COPS5: variants seen among roughly 807,000 people sequenced by gnomAD.
COPS5 encodes the protein COP9 signalosome complex subunit 5.
A neutral mutation model predicts 44.4 loss-of-function variants in COPS5; 8 were observed. The ratio of observed to expected loss-of-function variants is 0.18; its 90% confidence interval spans 0.11 to 0.32. The LOEUF is 0.32. COPS5 is among the 10% of genes least tolerant of loss of function. COPS5 has a pLI of 1.00. For synonymous variants in COPS5, 122 were observed against 142.8 expected, an observed-to-expected ratio of 0.85 and a Z score of 1.04; for missense variants, 159 against 406.4, an observed-to-expected ratio of 0.39 and a Z score of 5.23.
Position 67,043,199 on chromosome 8 carries a change from C to T in COPS5, c.*34G>A, listed in dbSNP as rs772426976. On this transcript the variant is annotated 3_prime_UTR_variant, in exon 8 of 8. Transcript: ENST00000357849. ...GTGTTACTTGAATATTTTTCTCATA[C>T]TGTCTTTCAGGTAAAGTACTTCTCA... 1 of 1,244,654 alleles carries T rather than the reference C, an allele frequency of 8.0e-7. No individual in the cohort carries two copies. Among genetic ancestry groups the T allele is most frequent in the South Asian group, 1.3e-5 (1 of 77,814 alleles). 77.1% of individuals were successfully genotyped at this position (1,244,654 alleles called of 1,614,324 possible).
intron 1 of COPS5, chr8:67,061,162 GA>G: frequency 5.2e-6 from 1 of 193,446 alleles, no homozygotes; most frequent in Non-Finnish European, 1.1e-5. Context: ...CACTCCCAGG[GA>G]AAAATGGATA....
At chr8:67,048,222 T>C (rs1055158704) in intron 6 of COPS5, among the ~76,000 whole-genome samples, 4 of 151,736 alleles carry the variant, frequency 2.6e-5, no homozygotes, top group African/African-American at 9.7e-5. Context: ...TGAGATGTGA[T>C]TGCACCACTG....
In COPS5 at chr8:67,058,071, TAAA is replaced by T. The variant is rs776167067; in HGVS notation, c.507+9_507+11del. 33 of 1,613,114 alleles carry T rather than the reference TAAA, an allele frequency of 2.0e-5. No homozygotes were observed. The South Asian group carries it at 3.5e-4, about 17-fold the overall frequency. On this transcript the variant is annotated intron_variant, in intron 3 of 7. Coordinates refer to ENST00000357849, the MANE Select transcript of COPS5 (RefSeq NM_006837.3). ...ATAAAGAACTTAATTAAACTGGTTT[TAAA>T]ATTCTTACCACCACTGCTACAAATG...
chr8:67,056,882 C>T (rs1194859578), intron 4 of COPS5, among the ~76,000 whole-genome samples: 8 of 151,148 alleles, frequency 5.3e-5, no homozygotes, highest in Non-Finnish European at 1.2e-4. Flanking sequence ...TATTTTTCTT[C>T]TCCTTAGGTG....
chr8:67,046,236 G>C (rs1448621863), intron 6 of COPS5, among the ~76,000 whole-genome samples: 1 of 152,098 alleles, frequency 6.6e-6, no homozygotes, highest in African/African-American at 2.4e-5. Context: ...CTAATTATTT[G>C]TTATTATGGC....
rs762606298 is a variant in COPS5 at position 67,061,846 on chromosome 8, C to T, written c.143+8G>A. On this transcript the variant is annotated splice_region_variant and intron_variant, in intron 1 of 7. Transcript: ENST00000357849. ...CCCTCCCCTGCGTCTCGCCAGGGACCTCCTCACTCCTTAGTCCAGGGCTTC... is the reference window on the plus strand; with the variant it reads ...CCCTCCCCTGCGTCTCGCCAGGGACTTCCTCACTCCTTAGTCCAGGGCTTC... 9.3e-6 allele frequency: 15 copies of T among 1,614,048 alleles called. No individual in the cohort carries two copies. The highest frequency in any genetic ancestry group is 2.2e-5 in the East Asian group (1 of 44,888).
chr8:67,060,080 G>C (rs1403366282), intron 1 of COPS5: 2 of 170,750 alleles, frequency 1.2e-5, no homozygotes, highest in East Asian at 3.3e-4. Context: ...TACTCTCAAA[G>C]AACAGAGTGT....
chr8:67,061,129 G>A (rs1338847533), intron 1 of COPS5: 1 of 185,394 alleles, frequency 5.4e-6, no homozygotes, highest in Non-Finnish European at 1.1e-5. Context: ...AATATTATGG[G>A]TAAAGATCCC....
At chr8:67,044,473 C>T (rs1331880883) in intron 7 of COPS5, 1 of 152,194 alleles carries the variant, frequency 6.6e-6, no homozygotes, top group African/African-American at 2.4e-5. Flanking sequence ...ACTCTTTTCT[C>T]TTCTTTTCCC....
intron 6 of COPS5, chr8:67,047,764 T>C (rs1463318787): frequency 1.4e-6 from 1 of 702,146 alleles, no homozygotes; most frequent in Non-Finnish European, 2.6e-6. Flanking sequence ...GTAGATCTGC[T>C]TGCCTCATAC....
chr8:67,058,291 T>A, intron 2 of COPS5, 80 bp from the exon 3 acceptor site: 9 of 1,401,308 alleles, frequency 6.4e-6, no homozygotes, highest in Non-Finnish European at 8.9e-6. Context: ...GGGTAACCAG[T>A]CTCCTTCCCA....
At chr8:67,058,259 T>G in intron 2 of COPS5, 48 bp from the exon 3 acceptor site, 1 of 1,592,906 alleles carries the variant, frequency 6.3e-7, no homozygotes, top group East Asian at 2.3e-5. Context: ...TTTAATTAAT[T>G]TACAAGGTAC....
Position 67,043,089 on chromosome 8 carries a change from A to C in COPS5, c.*144T>G. 2.1e-6 allele frequency: 1 copy of C among 484,674 alleles called. No homozygotes were observed. Among genetic ancestry groups the C allele is most frequent in the Non-Finnish European group, 3.7e-6 (1 of 270,580 alleles). 30.0% of individuals were successfully genotyped at this position (484,674 alleles called of 1,614,324 possible). On this transcript the variant is annotated 3_prime_UTR_variant, in exon 8 of 8. Transcript: ENST00000357849. ...AAAATCAAAGGACAATTTCATTTTA[A>C]AGAGCTTTATTACAGGATATTAATA...
chr8:67,046,725 A>AGGCAGGAG (rs1367195020), intron 6 of COPS5, among the ~76,000 whole-genome samples: 1 of 147,030 alleles, frequency 6.8e-6, no homozygotes, highest in Non-Finnish European at 1.5e-5. Flanking sequence ...CGGGAGGCTG[A>AGGCAGGAG]GGCAGGAGAA....
chr8:67,045,768 A>C (rs1368240391), intron 7 of COPS5, 44 bp downstream of exon 7: 2 of 1,605,764 alleles, frequency 1.2e-6, no homozygotes, highest in Non-Finnish European at 1.7e-6. Flanking sequence ...ATTTTGAAAG[A>C]AAAAGAGTTA....
intron 6 of COPS5, among the ~76,000 whole-genome samples, chr8:67,049,403 G>A (rs1816741591): frequency 6.6e-6 from 1 of 152,074 alleles, no homozygotes; most frequent in Non-Finnish European, 1.5e-5. Flanking sequence ...AGTTGAGGCT[G>A]CAGTGAGCTG....
chr8:67,048,591 C>T (rs764225067), intron 6 of COPS5, among the ~76,000 whole-genome samples: 13 of 151,726 alleles, frequency 8.6e-5, no homozygotes, highest in Admixed American at 6.6e-4. Flanking sequence ...TGGCACGCAC[C>T]TGTAATCCCA....
chr8:67,044,520 TA>T, intron 7 of COPS5: 1 of 152,154 alleles, frequency 6.6e-6, no homozygotes, highest in Non-Finnish European at 1.5e-5. Flanking sequence ...GATACCAACA[TA>T]TAAATGTTTA....
At position 67,051,121 on chromosome 8, in the gene COPS5, G is replaced by A. The variant is rs747573039; in HGVS notation, c.771+109C>T. The A allele has an allele frequency of 2.4e-5, 18 of 743,944 alleles. 1 individual carries two copies. Among genetic ancestry groups the A allele is most frequent in the South Asian group, 1.4e-4 (9 of 66,214 alleles). The allele number at this position is 743,944 out of a possible 1,614,324, so 46.1% of individuals were successfully genotyped here. A position where few individuals can be genotyped will look rare whatever the true frequency, so the allele number is the denominator to read the frequency against. Reference sequence around the variant, plus strand: ...TGCAGAATCCCACCCTAGCCCTGGTGTCTTGGCCAAGTCAGGTATAGCCTT... The same window carrying A: ...TGCAGAATCCCACCCTAGCCCTGGTATCTTGGCCAAGTCAGGTATAGCCTT... On this transcript the variant is annotated intron_variant, in intron 6 of 7. Transcript: ENST00000357849.
Sources: allele counts gnomAD v4.1 joint callset (sites outside exome capture counted in the v4.1 genomes callset), GRCh38; gene constraint gnomAD v4.1.1; transcripts MANE v1.5; gene names NCBI Gene and HGNC (gene_info 2026-07-23, HGNC 2026-07-21).